The following GAS7 variants were observed in gnomAD, a reference collection of about 807,000 sequenced individuals.
GAS7 encodes growth arrest-specific protein 7.
Under a neutral mutation model 71.1 loss-of-function variants are expected in GAS7, and 28 were observed. The observed-to-expected ratio is 0.39, with a 90% CI of 0.29 to 0.54. The LOEUF (loss-of-function observed/expected upper bound fraction) is 0.54. Ranked by LOEUF, GAS7 falls within the 20% of genes least tolerant of loss-of-function variation. GAS7 has a pLI of 0.62. For missense variants in GAS7, 436 were observed against 627.8 expected (o/e 0.69, Z 3.27); for synonymous variants, 258 against 245.8 (o/e 1.05, Z -0.46).
At chr17:10,090,488 A>G (rs1567587366) in intron 1 of GAS7, among the ~76,000 whole-genome samples, 1 of 152,182 alleles carries the variant, frequency 6.6e-6, no homozygotes, top group African/African-American at 2.4e-5. Context: ...CACAGCCGAC[A>G]GAGACACAAG....
chr17:10,198,114 G>T (rs544167147), intron 1 of GAS7, 94 bp downstream of exon 1: 1 of 1,270,512 alleles, frequency 7.9e-7, no homozygotes, highest in South Asian at 1.3e-5. Flanking sequence ...CCCTCCGACC[G>T]GGACGCTGCG....
At chr17:10,039,921 TC>T (rs2072831083) in intron 1 of GAS7, 11 of 323,340 alleles carry the variant, frequency 3.4e-5, no homozygotes, top group South Asian at 2.6e-4. Flanking sequence ...ACCTTCCTGG[TC>T]TTTTCTCTTA....
chr17:10,187,843 C>T (rs987739802), intron 1 of GAS7, among the ~76,000 whole-genome samples: 1 of 152,230 alleles, frequency 6.6e-6, no homozygotes, highest in Non-Finnish European at 1.5e-5. Context: ...ATGTTTGGTA[C>T]ACACAGTTCC....
At chr17:9,968,659 G>T (rs2152119666) in intron 4 of GAS7, among the ~76,000 whole-genome samples, 1 of 152,312 alleles carries the variant, frequency 6.6e-6, no homozygotes, top group South Asian at 2.1e-4. Context: ...AATGTCCCTT[G>T]ATTAAGAACC....
intron 5 of GAS7, 39 bp from the exon 6 acceptor site, chr17:9,947,022 G>T: frequency 7.1e-7 from 1 of 1,399,948 alleles, no homozygotes; most frequent in South Asian, 1.2e-5. Context: ...CCCCGCTGGA[G>T]ACTGGAATAG....
chr17:9,992,274 C>T (rs906375644), intron 2 of GAS7, among the ~76,000 whole-genome samples: 3 of 151,948 alleles, frequency 2.0e-5, no homozygotes, highest in Non-Finnish European at 4.4e-5. Flanking sequence ...GTTACCCCAA[C>T]CTTCTAAGAG....
At chr17:10,029,452 T>A (rs1283255835) in intron 1 of GAS7, among the ~76,000 whole-genome samples, 2 of 152,182 alleles carry the variant, frequency 1.3e-5, no homozygotes, top group East Asian at 3.8e-4. Flanking sequence ...CTTACAGAAA[T>A]GCATACGTAA....
At chr17:10,018,190 G>A (rs946885411) in intron 2 of GAS7, among the ~76,000 whole-genome samples, 1 of 152,104 alleles carries the variant, frequency 6.6e-6, no homozygotes, top group Non-Finnish European at 1.5e-5. Flanking sequence ...TGAGACCGGG[G>A]ATTATTTTTT....
intron 5 of GAS7, among the ~76,000 whole-genome samples, chr17:9,950,344 C>T (rs961588176): frequency 1.3e-5 from 2 of 151,776 alleles, no homozygotes; most frequent in South Asian, 2.1e-4. Flanking sequence ...CTTGTCTCTA[C>T]AAAAAATAAA....
rs1659954843 is a variant in GAS7 at position 10,070,789 on chromosome 17, G to T, written c.184-50892C>A. On this transcript the variant is annotated intron_variant, in intron 1 of 13. Coordinates refer to ENST00000432992, the MANE Select transcript of GAS7 (RefSeq NM_201433.2). The stretch of plus-strand genomic sequence containing the variant: ...TGCCCTATTCTAAATCTAGAGTCTA[G>T]GGAGAGGGAGGCAGAGGCAGAATGG... 2.0e-5 allele frequency among the ~76,000 whole-genome samples: 3 copies of T among 152,004 alleles called. No individual in the cohort carries two copies. In the South Asian group the frequency reaches 6.2e-4, roughly 32 times the overall value.
intron 1 of GAS7, among the ~76,000 whole-genome samples, chr17:10,124,392 T>A (rs1487649887): frequency 1.3e-5 from 2 of 152,178 alleles, no homozygotes; most frequent in African/African-American, 4.8e-5. Context: ...CACAACACAG[T>A]TCCTTACTAA....
chr17:10,030,352 G>A (rs186507569), intron 1 of GAS7, among the ~76,000 whole-genome samples: 12 of 152,336 alleles, frequency 7.9e-5, no homozygotes, highest in African/African-American at 2.9e-4. Context: ...TGAAACACCT[G>A]TTTGGCTTTG....
chr17:10,062,518 C>T (rs980244248), intron 1 of GAS7, among the ~76,000 whole-genome samples: 14 of 151,874 alleles, frequency 9.2e-5, no homozygotes, highest in African/African-American at 3.4e-4. Context: ...AAAATAAGTT[C>T]TACAACTGAT....
In GAS7 at chr17:10,007,952, C is replaced by T. The variant is rs138100389; in HGVS notation, c.304+11825G>A. On this transcript the variant is annotated intron_variant, in intron 2 of 13. Transcript: ENST00000432992. ...TTTCTGTGGATTTCTCTATTCTAGG[C>T]GTTTCATATAAACAGAATCATATGG... Among the ~76,000 whole-genome samples the T allele has an allele frequency of 4.5e-3, 688 of 152,234 alleles. 5 individuals carry two copies. The highest frequency in any genetic ancestry group is 0.015 in the African/African-American group (626 of 41,528).
chr17:9,934,389 A>G lies in GAS7; in HGVS notation c.807-145T>C, dbSNP rs963219111. ...GAGGCAGAAGTCAGGCAGAAACCAG[A>G]CATGAGCATCACGTTTCAACTCACA... On this transcript the variant is annotated intron_variant, in intron 8 of 13. Coordinates refer to ENST00000432992, the MANE Select transcript of GAS7 (RefSeq NM_201433.2). The G allele has an allele frequency of 1.1e-4, 73 of 647,012 alleles. No homozygotes were observed. In the African/African-American group the frequency reaches 1.2e-3, roughly 11 times the overall value. The allele number at this position is 647,012 out of a possible 1,614,324, so 40.1% of individuals were successfully genotyped here. A position where few individuals can be genotyped will look rare whatever the true frequency, so the allele number is the denominator to read the frequency against.
chr17:10,054,614 G>A (rs566754447), intron 1 of GAS7, among the ~76,000 whole-genome samples: 4 of 152,156 alleles, frequency 2.6e-5, no homozygotes, highest in Non-Finnish European at 5.9e-5. Flanking sequence ...GTAACTGTCG[G>A]GGGCCTTTAT....
chr17:9,985,682 G>C (rs542524521), intron 2 of GAS7, among the ~76,000 whole-genome samples: 11 of 152,358 alleles, frequency 7.2e-5, no homozygotes, highest in African/African-American at 2.6e-4. Context: ...CTTAGCCAAA[G>C]AGAGCTGCCG....
intron 1 of GAS7, among the ~76,000 whole-genome samples, chr17:10,043,135 C>G (rs926900705): frequency 6.6e-6 from 1 of 152,142 alleles, no homozygotes; most frequent in African/African-American, 2.4e-5. Flanking sequence ...CTTGCTTAAG[C>G]AGTGGGAGAA....
At chr17:10,190,222 C>A (rs897049487) in intron 1 of GAS7, among the ~76,000 whole-genome samples, 7 of 152,174 alleles carry the variant, frequency 4.6e-5, no homozygotes, top group Admixed American at 4.6e-4. Context: ...ATGGCCCACA[C>A]AGCCTAAAAT....
Sources: allele counts gnomAD v4.1 joint callset (sites outside exome capture counted in the v4.1 genomes callset), GRCh38; gene constraint gnomAD v4.1.1; transcripts MANE v1.5; gene names NCBI Gene and HGNC (gene_info 2026-07-23, HGNC 2026-07-21).